CLASP2: variants seen among roughly 807,000 people sequenced by gnomAD.
CLASP2 encodes cytoplasmic linker associated protein 2, also known as CLIP-associating protein 2.
A neutral mutation model predicts 194.4 loss-of-function variants in CLASP2; 47 were observed. The observed-to-expected ratio is 0.24, with a 90% CI of 0.19 to 0.31. The LOEUF is 0.31. Among genes scored for constraint, CLASP2 ranks in the 10% least tolerant of loss-of-function variants. CLASP2 has a pLI of 1.00. For synonymous variants in CLASP2, 619 were observed against 633.5 expected (o/e 0.98, Z 0.34); for missense variants, 1,445 against 1,823.6 (o/e 0.79, Z 3.78).
At position 33,642,194 on chromosome 3, in the gene CLASP2, G is replaced by A. The variant is rs1053121221; in HGVS notation, c.862+2563C>T. Among the ~76,000 whole-genome samples the A allele has an allele frequency of 2.6e-5, 4 of 151,810 alleles. No individual in the cohort carries two copies. In the South Asian group the frequency reaches 6.2e-4, roughly 24 times the overall value. On this transcript the variant is annotated intron_variant, in intron 8 of 38. Coordinates refer to ENST00000682230, the MANE Select transcript of CLASP2 (RefSeq NM_001365631.1). ...AAATCCCTGAATCTTTCGATCCAGC[G>A]AACTTTAGAAATTTATTCCAAAGAA... is the stretch of plus-strand genomic sequence containing the variant.
intron 23 of CLASP2, 200 bp from the exon 24 acceptor site, chr3:33,576,475 T>C: frequency 3.8e-6 from 2 of 522,524 alleles, no homozygotes; most frequent in South Asian, 5.1e-5. Flanking sequence ...ACTGACAATG[T>C]GTGAAAAATA....
intron 37 of CLASP2, chr3:33,502,819 A>C (rs1299238660): frequency 1.3e-5 from 2 of 152,202 alleles, no homozygotes; most frequent in African/African-American, 4.8e-5. Context: ...CATTATTCCT[A>C]AGTCATGCAA....
chr3:33,685,141 G>A (rs1308130007), intron 5 of CLASP2, among the ~76,000 whole-genome samples: 2 of 151,450 alleles, frequency 1.3e-5, no homozygotes, highest in African/African-American at 4.8e-5. Flanking sequence ...AGGAGTTTGA[G>A]ACCAGCCTGG....
intron 27 of CLASP2, among the ~76,000 whole-genome samples, chr3:33,563,312 T>C (rs1345818303): frequency 6.6e-6 from 1 of 152,196 alleles, no homozygotes; most frequent in African/African-American, 2.4e-5. Flanking sequence ...CCAGGAATTC[T>C]CCTTTTGCAT....
At chr3:33,644,562 C>T (rs748501968) in intron 8 of CLASP2, 195 bp downstream of exon 8, 2 of 633,710 alleles carry the variant, frequency 3.2e-6, no homozygotes, top group South Asian at 3.6e-5. Context: ...CACATACATT[C>T]TTAGAGGAAA....
intron 33 of CLASP2, among the ~76,000 whole-genome samples, chr3:33,537,926 G>A (rs1452933988): frequency 1.3e-5 from 2 of 152,132 alleles, no homozygotes; most frequent in Non-Finnish European, 2.9e-5. Flanking sequence ...CAGATCACAA[G>A]GTCAGGAGAT....
chr3:33,517,098 T>C lies in CLASP2; in HGVS notation c.3864A>G (p.Glu1288=). The C allele has an allele frequency of 6.2e-7, 1 of 1,613,742 alleles. No individual in the cohort carries two copies. ...TAAGTTCATAGAGGGCAATTTTTCTTTCTTCTACACGCTCATTATGGTTAG... is the reference window on the plus strand; with the variant it reads ...TAAGTTCATAGAGGGCAATTTTTCTCTCTTCTACACGCTCATTATGGTTAG... ...ELSNHNERVE[E]RKIALYELMK... is the part of the protein sequence containing the mutation. The change falls in exon 35 of 39, where the codon GAA becomes GAG. Residue 1288 remains glutamate, a synonymous_variant. Coordinates refer to ENST00000682230, the MANE Select transcript of CLASP2 (RefSeq NM_001365631.1).
intron 6 of CLASP2, among the ~76,000 whole-genome samples, chr3:33,672,119 T>C (rs1193665927): frequency 6.6e-6 from 1 of 152,214 alleles, no homozygotes; most frequent in African/African-American, 2.4e-5. Context: ...GCTGGAGATC[T>C]GAGAACGGGC....
chr3:33,543,643 C>A (rs2058718977), intron 31 of CLASP2, 104 bp from the exon 32 acceptor site: 3 of 671,686 alleles, frequency 4.5e-6, no homozygotes, highest in Non-Finnish European at 5.3e-6. Context: ...TATTAAAGGG[C>A]CATATTTACA....
intron 20 of CLASP2, chr3:33,592,775 C>A: frequency 2.5e-6 from 1 of 399,738 alleles, no homozygotes; most frequent in African/African-American, 2.1e-5. Context: ...AGATAATCAC[C>A]ATAAGCATGT....
chr3:33,587,188 T>C lies in CLASP2; in HGVS notation c.2069-2268A>G, dbSNP rs991349208. On this transcript the variant is annotated intron_variant, in intron 21 of 38. Transcript: ENST00000682230. The stretch of plus-strand genomic sequence containing the variant: ...TCGCCCAGGCTGGAGTGCAGTGGTG[T>C]GATCTTGGCTCACTGCACGCTCTGC... Among the ~76,000 whole-genome samples, 4 of 151,920 alleles carry C rather than the reference T, an allele frequency of 2.6e-5. No individual in the cohort carries two copies. The East Asian group carries it at 5.8e-4, about 22-fold the overall frequency.
At chr3:33,534,513 G>A (rs1349935916) in intron 34 of CLASP2, among the ~76,000 whole-genome samples, 1 of 152,218 alleles carries the variant, frequency 6.6e-6, no homozygotes, top group Non-Finnish European at 1.5e-5. Flanking sequence ...GCTGCAGTGA[G>A]CTATGTTTGA....
chr3:33,685,854 G>T (rs943373695), intron 5 of CLASP2, among the ~76,000 whole-genome samples: 1 of 152,034 alleles, frequency 6.6e-6, no homozygotes, highest in African/African-American at 2.4e-5. Context: ...CAGGGACTGG[G>T]GAGTTGCTGT....
intron 6 of CLASP2, among the ~76,000 whole-genome samples, chr3:33,675,023 T>G (rs562325984): frequency 6.6e-6 from 1 of 152,280 alleles, no homozygotes; most frequent in Non-Finnish European, 1.5e-5. Flanking sequence ...GAGGAGCTGG[T>G]ACCATTCCTT....
At chr3:33,507,122 T>C (rs1312618148) in intron 37 of CLASP2, among the ~76,000 whole-genome samples, 1 of 152,086 alleles carries the variant, frequency 6.6e-6, no homozygotes, top group East Asian at 1.9e-4. Flanking sequence ...GTATTTTTAC[T>C]AGAGACGGGG....
At chr3:33,690,259 G>A (rs896658025) in intron 2 of CLASP2, among the ~76,000 whole-genome samples, 37 of 152,248 alleles carry the variant, frequency 2.4e-4, no homozygotes, top group African/African-American at 7.9e-4. Flanking sequence ...TAGGGCCAAA[G>A]TATCTCATAG....
At chr3:33,553,944 C>T (rs966836309) in intron 29 of CLASP2, among the ~76,000 whole-genome samples, 4 of 151,936 alleles carry the variant, frequency 2.6e-5, no homozygotes, top group East Asian at 1.9e-4. Flanking sequence ...GATATGGAAT[C>T]GGCCAGGCGC....
intron 12 of CLASP2, among the ~76,000 whole-genome samples, chr3:33,618,862 G>A (rs1313215043): frequency 6.6e-6 from 1 of 152,112 alleles, no homozygotes; most frequent in Non-Finnish European, 1.5e-5. Flanking sequence ...ACTTCCTCAA[G>A]ATATGAGTGA....
In CLASP2 at chr3:33,619,693, T is replaced by C; in HGVS notation, c.1227A>G (p.Glu409=). 6.3e-7 allele frequency: 1 copy of C among 1,582,000 alleles called. No individual in the cohort carries two copies. The highest frequency in any genetic ancestry group is 2.3e-5 in the East Asian group (1 of 43,244). ...GATTAAAAAGTGTAGGTACAATGGCTTCAGCGCCATGATCAAACTTGTTTC... is the reference window on the plus strand; with the variant it reads ...GATTAAAAAGTGTAGGTACAATGGCCTCAGCGCCATGATCAAACTTGTTTC... ...VLGNKFDHGA[E]AIVPTLFNLV... is the part of the protein sequence containing the mutation. Residue 409 remains glutamate (E), a synonymous_variant, in exon 12 of 39, where the codon GAA becomes GAG. Coordinates refer to ENST00000682230, the MANE Select transcript of CLASP2 (RefSeq NM_001365631.1).
Sources: gnomAD v4.1 joint callset for allele counts (sites outside exome capture counted in the v4.1 genomes callset) on GRCh38, gnomAD v4.1.1 for gene constraint, MANE v1.5 for transcripts, NCBI Gene and HGNC (gene_info 2026-07-23, HGNC 2026-07-21) for gene names.